The following DIRAS3 variants were observed in gnomAD, a reference collection of about 807,000 sequenced individuals.
DIRAS3 encodes DIRAS family GTPase 3.
For missense variants in DIRAS3, 248 were observed against 300.6 expected, an observed-to-expected ratio of 0.83 and a Z score of 1.29; for synonymous variants, 133 against 131.4, an observed-to-expected ratio of 1.01 and a Z score of -0.08.
chr1:68,049,202 G>C (rs1018887419), intron 1 of DIRAS3, among the ~76,000 whole-genome samples: 8 of 152,138 alleles, frequency 5.3e-5, no homozygotes, highest in Non-Finnish European at 7.4e-5. Context: ...TTATATTCTT[G>C]ATTAAAGGGG....
At chr1:68,049,720 A>G (rs747034105) in intron 1 of DIRAS3, 7 of 152,138 alleles carry the variant, frequency 4.6e-5, no homozygotes, top group Non-Finnish European at 7.4e-5. Context: ...TGTATGTACA[A>G]ATTCATTCAT....
In DIRAS3 at chr1:68,050,231, T is replaced by TA. The variant is rs1238904609; in HGVS notation, c.-66+316dup. Reference sequence around the variant, plus strand: ...CTTTCACACTACATGACTCCACTATTACTTCCTGAACACTAGCTACCTACG... The same window carrying TA: ...CTTTCACACTACATGACTCCACTATTAACTTCCTGAACACTAGCTACCTACG... On this transcript the variant is annotated intron_variant, in intron 1 of 1. Coordinates refer to ENST00000646789, the MANE Select transcript of DIRAS3 (RefSeq NM_004675.5). The surrounding 1 kb of genome is among the most constrained non-coding windows in gnomAD (Gnocchi z 4.5). Among the ~76,000 whole-genome samples the TA allele has an allele frequency of 6.6e-6, 1 of 152,186 alleles. No homozygotes were observed. The highest frequency in any genetic ancestry group is 1.5e-5 in the Non-Finnish European group (1 of 68,042).
intron 1 of DIRAS3, among the ~76,000 whole-genome samples, chr1:68,047,819 CAG>C (rs1645688437): frequency 1.3e-5 from 2 of 150,324 alleles, no homozygotes; most frequent in African/African-American, 2.5e-5. Flanking sequence ...GTTAAAGCTA[CAG>C]AGTCATCAGT....
At chr1:68,049,960 AC>A (rs576801046) in intron 1 of DIRAS3, among the ~76,000 whole-genome samples, 2,785 of 105,416 alleles carry the variant, frequency 0.026, 161 homozygotes, top group African/African-American at 0.088. Context: ...CAGGCAGTGG[AC>A]CCCCCCCCCC....
rs1645674839 is a variant in DIRAS3 at position 68,046,575 on chromosome 1, G to C, written c.*33C>G. ...GAGTCCACGTTTTCTACACGCTACAGGATAGGAAGAGCTGGCTCTTAAGGC... is the reference window on the plus strand; with the variant it reads ...GAGTCCACGTTTTCTACACGCTACACGATAGGAAGAGCTGGCTCTTAAGGC... On this transcript the variant is annotated 3_prime_UTR_variant, in exon 2 of 2. Transcript: ENST00000646789. 2 of 1,595,714 alleles carry C rather than the reference G, an allele frequency of 1.3e-6. No homozygotes were observed. The highest frequency in any genetic ancestry group is 2.2e-5 in the South Asian group (2 of 89,108).
At chr1:68,049,125 G>T (rs1645708214) in intron 1 of DIRAS3, among the ~76,000 whole-genome samples, 1 of 152,150 alleles carries the variant, frequency 6.6e-6, no homozygotes, top group Admixed American at 6.5e-5. Context: ...TTCTAGTCTG[G>T]CTTCTTTAAG....
At chr1:68,048,665 G>A (rs1272500351) in intron 1 of DIRAS3, among the ~76,000 whole-genome samples, 1 of 151,856 alleles carries the variant, frequency 6.6e-6, no homozygotes, top group Non-Finnish European at 1.5e-5. Flanking sequence ...CTGGGGAAAA[G>A]GACCCTTTTT....
At position 68,047,111 on chromosome 1, in the gene DIRAS3, G is replaced by A. The variant is rs1645681232; in HGVS notation, c.187C>T (p.Arg63Cys). ...TCAATGGTCGGCAGGTACTCATGAC[G>A]GAAGTTGCCGCTCGCCCACTTGTGC... ...LLHKWASGNF[R>C]HEYLPTIENT... is the part of the protein sequence containing the mutation. Residue 63 changes from arginine to cysteine, a missense_variant, in exon 2 of 2, where the codon CGT becomes TGT. By Grantham distance (180) the Arg-to-Cys change is radical. Coordinates refer to ENST00000646789, the MANE Select transcript of DIRAS3 (RefSeq NM_004675.5). 1.2e-6 allele frequency: 2 copies of A among 1,614,072 alleles called. No homozygotes were observed. The highest frequency in any genetic ancestry group is 1.7e-5 in the Admixed American group (1 of 60,008).
In DIRAS3 at chr1:68,046,244, T is replaced by G; in HGVS notation, c.*364A>C. 5.7e-6 allele frequency: 1 copy of G among 176,944 alleles called. No homozygotes were observed. The allele number at this position is 176,944 out of a possible 1,614,324, so 11.0% of individuals were successfully genotyped here. A position where few individuals can be genotyped will look rare whatever the true frequency, so the allele number is the denominator to read the frequency against. Reference sequence around the variant, plus strand: ...TTAAGCACTTACAGGATGTGAAATATTTAAAGGTAATACACAATAATCGGG... The same window carrying G: ...TTAAGCACTTACAGGATGTGAAATAGTTAAAGGTAATACACAATAATCGGG... On this transcript the variant is annotated 3_prime_UTR_variant, in exon 2 of 2. Transcript: ENST00000646789.
chr1:68,046,669 T>C lies in DIRAS3; in HGVS notation c.629A>G (p.Glu210Gly), dbSNP rs370496307. The C allele has an allele frequency of 1.9e-6, 3 of 1,614,066 alleles. No individual in the cohort carries two copies. Among genetic ancestry groups the C allele is most frequent in the Non-Finnish European group, 2.5e-6 (3 of 1,180,042 alleles). Reference sequence around the variant, plus strand: ...GGTGTTGGGCATCTGGGATTTCTTCTCGGGCTCCTGGAGGCCGGTGGTGGG... The same window carrying C: ...GGTGTTGGGCATCTGGGATTTCTTCCCGGGCTCCTGGAGGCCGGTGGTGGG... ...KKPTTGLQEP[E>G]KKSQMPNTTE... Residue 210 changes from glutamate to glycine, a missense_variant, in exon 2 of 2, where the codon GAG (glutamate) becomes GGG (glycine). By Grantham distance (98) the Glu-to-Gly change is moderately conservative. Transcript: ENST00000646789.
intron 1 of DIRAS3, among the ~76,000 whole-genome samples, chr1:68,048,051 TATATATATA>T (rs1439767254): frequency 7.6e-5 from 3 of 39,644 alleles, no homozygotes; most frequent in Admixed American, 3.3e-4. Context: ...AAAAAAAAAA[TATATATATA>T]TATATATATA....
chr1:68,046,440 C>A lies in DIRAS3; in HGVS notation c.*168G>T. 1 of 612,104 alleles carries A rather than the reference C, an allele frequency of 1.6e-6. No homozygotes were observed. Among genetic ancestry groups the A allele is most frequent in the Non-Finnish European group, 2.8e-6 (1 of 363,572 alleles). The allele number at this position is 612,104 out of a possible 1,614,324, so 37.9% of individuals were successfully genotyped here. On this transcript the variant is annotated 3_prime_UTR_variant, in exon 2 of 2. Transcript: ENST00000646789. ...TGTTTTAACAATTTGAATTCTCTGG[C>A]CTGGGAAAAAGAAAAGTTATCCACT...
intron 1 of DIRAS3, among the ~76,000 whole-genome samples, chr1:68,048,073 T>A (rs1645697659): frequency 2.8e-5 from 3 of 107,012 alleles, no homozygotes; most frequent in Non-Finnish European, 5.5e-5. Flanking sequence ...TATATATATA[T>A]ATATATATAT....
chr1:68,048,658 G>C (rs1040751833), intron 1 of DIRAS3, among the ~76,000 whole-genome samples: 6 of 152,012 alleles, frequency 3.9e-5, no homozygotes, highest in Admixed American at 1.3e-4. Context: ...CCCAGTACTG[G>C]GGAAAAGGAC....
chr1:68,046,938 C>G lies in DIRAS3; in HGVS notation c.360G>C (p.Lys120Asn). 1 of 1,614,196 alleles carries G rather than the reference C, an allele frequency of 6.2e-7. No homozygotes were observed. Among genetic ancestry groups the G allele is most frequent in the Admixed American group, 1.7e-5 (1 of 60,028 alleles). The change falls in exon 2 of 2, where the codon AAG becomes AAC. Residue 120 changes from lysine (K) to asparagine (N), a missense_variant. Lys to Asn is a moderately conservative substitution (Grantham distance 94, BLOSUM62 0). Coordinates refer to ENST00000646789, the MANE Select transcript of DIRAS3 (RefSeq NM_004675.5). ...CCTTCAGCTCTTCCAGGGTTTCCTT[C>G]TTGGTGACTGAGTAGACCAGGACGA... ...HAFVLVYSVT[K>N]KETLEELKAF...
In DIRAS3 at chr1:68,047,012, C is replaced by A. The variant is rs989912167; in HGVS notation, c.286G>T (p.Asp96Tyr). ...TGGCGCTGCAGAGCGCGGTTGCCGT[C>A]GCCACTCTTGCTGTCGGTGATGTGC... is the stretch of plus-strand genomic sequence containing the variant. ...SLHITDSKSG[D>Y]GNRALQRHVI... is the part of the protein sequence containing the mutation. The change falls in exon 2 of 2, where the codon GAC (aspartate) becomes TAC (tyrosine). Residue 96 changes from aspartate (D) to tyrosine (Y), a missense_variant. Coordinates refer to ENST00000646789, the MANE Select transcript of DIRAS3 (RefSeq NM_004675.5). 6.2e-7 allele frequency: 1 copy of A among 1,614,066 alleles called. No individual in the cohort carries two copies.
chr1:68,050,350 A>T lies in DIRAS3; in HGVS notation c.-66+198T>A, dbSNP rs964686083. 2.6e-5 allele frequency among the ~76,000 whole-genome samples: 4 copies of T among 152,192 alleles called. No individual in the cohort carries two copies. The highest frequency in any genetic ancestry group is 9.7e-5 in the African/African-American group (4 of 41,450). On this transcript the variant is annotated intron_variant, in intron 1 of 1. Coordinates refer to ENST00000646789, the MANE Select transcript of DIRAS3 (RefSeq NM_004675.5). This position sits in a 1 kb window ranked among gnomAD's most constrained non-coding sequence, Gnocchi z 4.5. ...TAAAAAGTGCTAGCTTCCCAACGGGACTATCCAAAGTGCAGTTGCAGGACC... is the reference window on the plus strand; with the variant it reads ...TAAAAAGTGCTAGCTTCCCAACGGGTCTATCCAAAGTGCAGTTGCAGGACC...
intron 1 of DIRAS3, among the ~76,000 whole-genome samples, chr1:68,048,049 A>AAAATATATATATAT (rs1553173941): frequency 2.8e-4 from 2 of 7,272 alleles, no homozygotes; most frequent in Admixed American, 2.3e-3. Flanking sequence ...AAAAAAAAAA[A>AAAATATATATATAT]ATATATATAT....
chr1:68,047,235 G>A lies in DIRAS3; in HGVS notation c.63C>T (p.Pro21=), dbSNP rs886180563. ...QKLLKRLRLL[P]ALLILRAFKP... is the part of the protein sequence containing the mutation. ...TGAAGGCGCGGAGGATAAGCAGGGC[G>A]GGCAGAAGCCGCAACCGCTTCAGCA... Residue 21 remains proline, a synonymous_variant, in exon 2 of 2, where the codon CCC becomes CCT. Transcript: ENST00000646789. 3.7e-6 allele frequency: 6 copies of A among 1,613,500 alleles called. No homozygotes were observed. Among genetic ancestry groups the A allele is most frequent in the African/African-American group, 2.7e-5 (2 of 74,928 alleles).
Sources: gnomAD v4.1 joint callset for allele counts (sites outside exome capture counted in the v4.1 genomes callset) on GRCh38, gnomAD v4.1.1 for gene constraint, Gnocchi (gnomAD v3.1) non-coding constraint, MANE v1.5 for transcripts, NCBI Gene and HGNC (gene_info 2026-07-23, HGNC 2026-07-21) for gene names.